Variants in PRMT2 observed in about 807,000 individuals in gnomAD.
PRMT2 encodes protein arginine methyltransferase 2, also known as protein arginine N-methyltransferase 2.
PRMT2 carries 26 observed loss-of-function variants against 57.6 expected under a neutral mutation model. The observed-to-expected ratio is 0.45, with a 90% confidence interval of 0.33 to 0.63. The LOEUF is 0.63. Ranked by LOEUF, PRMT2 falls within the 20% of genes least tolerant of loss-of-function variation. The probability of loss-of-function intolerance (pLI) is 0.02; values close to 1 mark genes in which losing one functional copy is unlikely to be tolerated. For missense variants in PRMT2, 472 were observed against 564.4 expected, an observed-to-expected ratio of 0.84 and a Z score of 1.66; for synonymous variants, 219 against 220.0, an observed-to-expected ratio of 1.00 and a Z score of 0.04.
At chr21:46,664,129 T>G (rs2061669611) in intron 11 of PRMT2, among the ~76,000 whole-genome samples, 166 bp from the exon 12 acceptor site, 1 of 152,230 alleles carries the variant, frequency 6.6e-6, no homozygotes, top group African/African-American at 2.4e-5. Context: ...TTTTTATATT[T>G]GTTTTGTGCT....
intron 3 of PRMT2, among the ~76,000 whole-genome samples, chr21:46,639,733 T>A (rs1438136063): frequency 1.3e-5 from 2 of 151,778 alleles, no homozygotes; most frequent in African/African-American, 4.8e-5. Flanking sequence ...TGTGTATTTT[T>A]TTTCCCTCAA....
At chr21:46,650,263 C>T (rs955333025) in intron 7 of PRMT2, among the ~76,000 whole-genome samples, 4 of 127,684 alleles carry the variant, frequency 3.1e-5, no homozygotes, top group South Asian at 5.7e-4. Flanking sequence ...GGGAAGTTGA[C>T]GGGAGTGTGG....
intron 7 of PRMT2, chr21:46,653,713 ACG>A: frequency 2.4e-6 from 3 of 1,255,000 alleles, no homozygotes; most frequent in Admixed American, 2.9e-5. Flanking sequence ...TGGTGCCCAC[ACG>A]CACACACACA....
intron 7 of PRMT2, among the ~76,000 whole-genome samples, chr21:46,651,002 G>A (rs996771743): frequency 2.0e-5 from 3 of 152,216 alleles, no homozygotes. Flanking sequence ...GTGTGTGAGT[G>A]ATGGAGTAAG....
intron 10 of PRMT2, among the ~76,000 whole-genome samples, chr21:46,663,046 C>T (rs1464919942): frequency 6.6e-6 from 1 of 152,202 alleles, no homozygotes; most frequent in East Asian, 1.9e-4. Context: ...CTCCCGCATC[C>T]TCTGGGCCAC....
chr21:46,660,130 C>A (rs2149000698), intron 8 of PRMT2: 4 of 973,210 alleles, frequency 4.1e-6, no homozygotes, highest in Non-Finnish European at 3.7e-6. Context: ...TTAAAACATT[C>A]ACTTTTATTT....
Position 46,649,755 on chromosome 21 carries a change from C to G in PRMT2, c.654+16C>G. On this transcript the variant is annotated intron_variant, in intron 7 of 11. Coordinates refer to ENST00000355680, the MANE Select transcript of PRMT2 (RefSeq NM_206962.4). The surrounding 1 kb of genome is among the most constrained non-coding windows in gnomAD (Gnocchi z 4.8). ...CTGCCTGCTGGTGAGGGCGGGCGTG[C>G]GGGCAGCTGGGGGCCGGAGCTGGGG... 6.2e-7 allele frequency: 1 copy of G among 1,608,320 alleles called. No individual in the cohort carries two copies. The highest frequency in any genetic ancestry group is 2.2e-5 in the East Asian group (1 of 44,610).
At position 46,653,465 on chromosome 21, in the gene PRMT2, C is replaced by T. The variant is rs1457924242; in HGVS notation, c.654+3726C>T. On this transcript the variant is annotated intron_variant, in intron 7 of 11. Transcript: ENST00000355680. Reference sequence around the variant, plus strand: ...GGCCTAAATGTATTTGCTTTATTTACACAACAAGAGGATAAGCGTAAACAC... The same window carrying T: ...GGCCTAAATGTATTTGCTTTATTTATACAACAAGAGGATAAGCGTAAACAC... 4.0e-6 allele frequency: 4 copies of T among 1,001,058 alleles called. No individual in the cohort carries two copies. In the Admixed American group the frequency reaches 1.7e-4, roughly 44 times the overall value. The allele number at this position is 1,001,058 out of a possible 1,614,324, so 62.0% of individuals were successfully genotyped here. A position where few individuals can be genotyped will look rare whatever the true frequency, so the allele number is the denominator to read the frequency against.
At chr21:46,643,475 C>CAAAAAAA (rs34541039) in intron 3 of PRMT2, 60 bp from the exon 4 acceptor site, 4 of 1,232,980 alleles carry the variant, frequency 3.2e-6, no homozygotes, top group East Asian at 3.4e-5. Context: ...ATAATATAGC[C>CAAAAAAA]AAAAAAAAAA....
At chr21:46,644,903 C>G (rs979755902) in intron 5 of PRMT2, among the ~76,000 whole-genome samples, 1 of 151,856 alleles carries the variant, frequency 6.6e-6, no homozygotes, top group African/African-American at 2.4e-5. Flanking sequence ...TGTGCGTGCT[C>G]CCTCAGTATT....
intron 7 of PRMT2, among the ~76,000 whole-genome samples, chr21:46,656,360 T>C (rs1308884879): frequency 1.3e-5 from 2 of 152,188 alleles, no homozygotes; most frequent in African/African-American, 4.8e-5. Flanking sequence ...ATATTCCTTT[T>C]TGGCAACACA....
chr21:46,652,109 G>C lies in PRMT2; in HGVS notation c.654+2370G>C. 7.9e-6 allele frequency: 12 copies of C among 1,522,352 alleles called. No homozygotes were observed. In the South Asian group the frequency reaches 1.5e-4, roughly 19 times the overall value. 94.3% of individuals were successfully genotyped at this position (1,522,352 alleles called of 1,614,324 possible). On this transcript the variant is annotated intron_variant, in intron 7 of 11. Coordinates refer to ENST00000355680, the MANE Select transcript of PRMT2 (RefSeq NM_206962.4). ...TGCAGCAAGGGCATGTAGTTGTTCA[G>C]AGATGGTGCTGGAACGACTGATTTG... is the stretch of plus-strand genomic sequence containing the variant.
intron 8 of PRMT2, among the ~76,000 whole-genome samples, chr21:46,660,309 G>C (rs1434046961): frequency 2.6e-5 from 4 of 152,172 alleles, no homozygotes; most frequent in Non-Finnish European, 5.9e-5. Flanking sequence ...TAGCAACAGA[G>C]CAAGTATTTC....
chr21:46,640,848 A>G (rs1229687244), intron 3 of PRMT2, among the ~76,000 whole-genome samples: 2 of 150,066 alleles, frequency 1.3e-5, no homozygotes, highest in East Asian at 1.9e-4. Context: ...CTCATGCTCT[A>G]TTCTTATTTT....
chr21:46,641,123 CAA>C (rs55728457), intron 3 of PRMT2, among the ~76,000 whole-genome samples: 4 of 104,592 alleles, frequency 3.8e-5, no homozygotes, highest in African/African-American at 3.9e-5. Context: ...GACCTCATCT[CAA>C]AAAAAAAAAA....
chr21:46,652,024 A>T lies in PRMT2; in HGVS notation c.654+2285A>T, dbSNP rs769514772. 3.7e-6 allele frequency: 6 copies of T among 1,612,920 alleles called. No individual in the cohort carries two copies. The East Asian group carries it at 1.1e-4, about 30-fold the overall frequency. On this transcript the variant is annotated intron_variant, in intron 7 of 11. Coordinates refer to ENST00000355680, the MANE Select transcript of PRMT2 (RefSeq NM_206962.4). Reference sequence around the variant, plus strand: ...TACTCTGACGCTGACATGTAGTAAAAGTCTGAAGACAGAGAAGAGTGCATG... The same window carrying T: ...TACTCTGACGCTGACATGTAGTAAATGTCTGAAGACAGAGAAGAGTGCATG...
At chr21:46,655,195 C>T (rs1428767989) in intron 7 of PRMT2, among the ~76,000 whole-genome samples, 4 of 152,158 alleles carry the variant, frequency 2.6e-5, no homozygotes, top group African/African-American at 7.2e-5. Context: ...GGGAACACTT[C>T]CTCACTCATT....
chr21:46,650,732 T>TG (rs2061437316), intron 7 of PRMT2, among the ~76,000 whole-genome samples: 1 of 152,092 alleles, frequency 6.6e-6, no homozygotes, highest in Non-Finnish European at 1.5e-5. Context: ...GCCAAGGTTG[T>TG]GTGGGCGGTG....
intron 9 of PRMT2, chr21:46,661,450 G>A: frequency 5.6e-6 from 1 of 178,698 alleles, no homozygotes; most frequent in Non-Finnish European, 1.2e-5. Context: ...TCTGGAGATG[G>A]GGCGGGCGCG....
Sources: gnomAD v4.1 joint callset for allele counts (sites outside exome capture counted in the v4.1 genomes callset) on GRCh38, gnomAD v4.1.1 for gene constraint, Gnocchi (gnomAD v3.1) non-coding constraint, MANE v1.5 for transcripts, NCBI Gene and HGNC (gene_info 2026-07-23, HGNC 2026-07-21) for gene names.